The following SEMA6D variants were observed in gnomAD, a reference collection of about 807,000 sequenced individuals.
SEMA6D encodes semaphorin-6D.
Under a neutral mutation model 106.6 loss-of-function variants are expected in SEMA6D, and 35 were observed. The ratio of observed to expected loss-of-function variants is 0.33; its 90% CI spans 0.25 to 0.44. The LOEUF is 0.44. SEMA6D is among the 20% of genes least tolerant of loss of function. The pLI, the probability that SEMA6D is intolerant of heterozygous loss-of-function variation, is 1.00. For missense variants in SEMA6D, 1,185 were observed against 1,345.9 expected (o/e 0.88, Z 1.87); for synonymous variants, 499 against 487.7 (o/e 1.02, Z -0.31).
chr15:47,307,575 A>G (rs1001811288), intron 1 of SEMA6D, among the ~76,000 whole-genome samples: 1 of 151,732 alleles, frequency 6.6e-6, no homozygotes, highest in African/African-American at 2.4e-5. Flanking sequence ...TGAGCTTAGT[A>G]CATCTCATTA....
chr15:47,223,895 A>G (rs1309488042), intron 1 of SEMA6D, among the ~76,000 whole-genome samples: 2 of 152,026 alleles, frequency 1.3e-5, no homozygotes, highest in Admixed American at 6.6e-5. Context: ...GTCTATTATA[A>G]TTTGTGAATC....
intron 16 of SEMA6D, 35 bp downstream of exon 16, chr15:47,766,712 C>CT: frequency 7.1e-7 from 1 of 1,405,148 alleles, no homozygotes; most frequent in Non-Finnish European, 1.0e-6. Flanking sequence ...CCTGGAGCTT[C>CT]TTTTTGACCA....
intron 3 of SEMA6D, among the ~76,000 whole-genome samples, chr15:47,505,897 G>A (rs1177704990): frequency 2.0e-5 from 3 of 152,146 alleles, no homozygotes; most frequent in South Asian, 2.1e-4. Context: ...AGGTTGAGGG[G>A]CCAATCAGGA....
At chr15:47,718,889 T>C (rs2079249759) in intron 1 of SEMA6D, 2 of 152,224 alleles carry the variant, frequency 1.3e-5, no homozygotes, top group Non-Finnish European at 2.9e-5. Context: ...GAAACTTTTA[T>C]TTCCCGTCTT....
At chr15:47,270,908 T>G (rs2034531419) in intron 1 of SEMA6D, among the ~76,000 whole-genome samples, 1 of 151,920 alleles carries the variant, frequency 6.6e-6, no homozygotes, top group Non-Finnish European at 1.5e-5. Context: ...GGCAGGAGAA[T>G]TGCTTGAACC....
intron 3 of SEMA6D, among the ~76,000 whole-genome samples, chr15:47,594,174 C>T (rs1293510987): frequency 1.3e-5 from 2 of 152,212 alleles, no homozygotes; most frequent in Non-Finnish European, 2.9e-5. Flanking sequence ...CTCTACAGAA[C>T]TGAAATCACT....
chr15:47,551,281 A>T (rs1001796522), intron 3 of SEMA6D, among the ~76,000 whole-genome samples: 1 of 151,996 alleles, frequency 6.6e-6, no homozygotes, highest in Non-Finnish European at 1.5e-5. Flanking sequence ...GGGCACACTT[A>T]TCTCCTGAGT....
At chr15:47,275,316 G>GT in intron 1 of SEMA6D, among the ~76,000 whole-genome samples, 1 of 152,116 alleles carries the variant, frequency 6.6e-6, no homozygotes, top group East Asian at 1.9e-4. Context: ...ATTACTAGCA[G>GT]TCACTGTTAG....
intron 3 of SEMA6D, among the ~76,000 whole-genome samples, chr15:47,518,522 A>C (rs2044463837): frequency 6.6e-6 from 1 of 152,228 alleles, no homozygotes; most frequent in South Asian, 2.1e-4. Context: ...ATTGCTCCTC[A>C]GCTACAAACC....
At chr15:47,260,111 A>G (rs1468773755) in intron 1 of SEMA6D, among the ~76,000 whole-genome samples, 1 of 151,942 alleles carries the variant, frequency 6.6e-6, no homozygotes, top group African/African-American at 2.4e-5. Flanking sequence ...TTGTTTCAAG[A>G]GAGTTTATAA....
rs7170590 is a variant in SEMA6D at position 47,370,608 on chromosome 15, G to A, written c.-238-41785G>A. 6.5e-3 allele frequency among the ~76,000 whole-genome samples: 982 copies of A among 150,680 alleles called. 17 individuals are homozygous for A. The highest frequency in any genetic ancestry group is 0.023 in the African/African-American group (923 of 40,848). The stretch of plus-strand genomic sequence containing the variant: ...GCCTGTAATCCTAGCATTTTGGGAG[G>A]CCAAGGTGGGTGGATCACTTGAGGT... On this transcript the variant is annotated intron_variant, in intron 1 of 19. Transcript: ENST00000558014.
chr15:47,644,788 A>G (rs886893895), intron 4 of SEMA6D, among the ~76,000 whole-genome samples: 3 of 152,190 alleles, frequency 2.0e-5, no homozygotes, highest in African/African-American at 7.2e-5. Flanking sequence ...ACAAACTAAG[A>G]CAGGGGCTTT....
At chr15:47,353,384 A>C (rs572902040) in intron 1 of SEMA6D, among the ~76,000 whole-genome samples, 1 of 152,296 alleles carries the variant, frequency 6.6e-6, no homozygotes, top group African/African-American at 2.4e-5. Context: ...CCTGGCATTC[A>C]TGGTAGAACA....
chr15:47,361,983 A>G (rs531698912), intron 1 of SEMA6D, among the ~76,000 whole-genome samples: 1 of 152,380 alleles, frequency 6.6e-6, no homozygotes, highest in East Asian at 1.9e-4. Context: ...AAACATTAAA[A>G]CAAAAATGAG....
intron 4 of SEMA6D, among the ~76,000 whole-genome samples, chr15:47,641,726 G>A (rs1385813248): frequency 1.3e-5 from 2 of 151,898 alleles, no homozygotes; most frequent in Admixed American, 6.6e-5. Flanking sequence ...TTGCCCTTCC[G>A]CCTCACTGAA....
At chr15:47,619,127 C>A (rs2077056220) in intron 4 of SEMA6D, among the ~76,000 whole-genome samples, 1 of 152,166 alleles carries the variant, frequency 6.6e-6, no homozygotes, top group Admixed American at 6.5e-5. Flanking sequence ...CAGTAGCACC[C>A]TGGCAGAAAG....
At chr15:47,443,547 C>T (rs988842085) in intron 2 of SEMA6D, among the ~76,000 whole-genome samples, 2 of 152,078 alleles carry the variant, frequency 1.3e-5, no homozygotes, top group East Asian at 1.9e-4. Context: ...CTGACTGCAG[C>T]CTCATGAGAG....
chr15:47,648,051 T>A (rs2077614808), intron 4 of SEMA6D, among the ~76,000 whole-genome samples: 1 of 152,212 alleles, frequency 6.6e-6, no homozygotes, highest in Non-Finnish European at 1.5e-5. Context: ...ATATGTAATA[T>A]ACACCCACCT....
At chr15:47,528,719 A>G (rs1262519677) in intron 3 of SEMA6D, among the ~76,000 whole-genome samples, 1 of 152,218 alleles carries the variant, frequency 6.6e-6, no homozygotes, top group Non-Finnish European at 1.5e-5. Context: ...AGCCAGAACT[A>G]GGCCACATCC....
Sources: allele counts gnomAD v4.1 joint callset (sites outside exome capture counted in the v4.1 genomes callset), GRCh38; gene constraint gnomAD v4.1.1; transcripts MANE v1.5; gene names NCBI Gene and HGNC (gene_info 2026-07-23, HGNC 2026-07-21).